The following MYOCOS variants were observed in gnomAD, a reference collection of about 807,000 sequenced individuals.
MYOCOS encodes the protein myocilin opposite strand protein.
At chr1:171,624,236 A>G (rs1652643422) in intron 2 of MYOCOS, among the ~76,000 whole-genome samples, 1 of 151,812 alleles carries the variant, frequency 6.6e-6, no homozygotes, top group African/African-American at 2.4e-5. Flanking sequence ...CTTGATAGAG[A>G]GTGGGGAGTG....
chr1:171,615,983 C>T (rs1332569948), intron 2 of MYOCOS, among the ~76,000 whole-genome samples: 10 of 152,048 alleles, frequency 6.6e-5, no homozygotes, highest in Admixed American at 2.6e-4. Flanking sequence ...TTTGGGAGGC[C>T]GAGGCAGGTG....
upstream of MYOCOS, among the ~76,000 whole-genome samples, chr1:171,620,430 G>A (rs1052379993): frequency 6.6e-6 from 1 of 151,830 alleles, no homozygotes; most frequent in Non-Finnish European, 1.5e-5. Context: ...TTCTTTTTGG[G>A]GGCAAATTTG....
upstream of MYOCOS, among the ~76,000 whole-genome samples, chr1:171,619,789 C>T (rs1054205304): frequency 3.3e-5 from 5 of 150,406 alleles, no homozygotes; most frequent in Admixed American, 6.6e-5. Flanking sequence ...TGAGCCGACA[C>T]CGCTGCATTC....
chr1:171,614,605 A>G (rs1652415773), intron 1 of MYOCOS, among the ~76,000 whole-genome samples: 1 of 152,178 alleles, frequency 6.6e-6, no homozygotes, highest in South Asian at 2.1e-4. Flanking sequence ...AGCTGAGAGC[A>G]ATGCCTGGAG....
chr1:171,601,168 A>G (rs1407498004), intron 1 of MYOCOS: 1 of 152,320 alleles, frequency 6.6e-6, no homozygotes, highest in Non-Finnish European at 1.5e-5. Context: ...AACACCAGGA[A>G]GGAACTGGCA....
chr1:171,621,374 G>GTTTTTTT (rs397974158), upstream of MYOCOS, among the ~76,000 whole-genome samples: 1 of 115,150 alleles, frequency 8.7e-6, no homozygotes, highest in Non-Finnish European at 1.7e-5. Flanking sequence ...TCTATGGTGG[G>GTTTTTTT]TTTTTTTTTT....
intron 1 of MYOCOS, among the ~76,000 whole-genome samples, chr1:171,601,804 C>T (rs551588111): frequency 9.9e-5 from 15 of 152,070 alleles, no homozygotes; most frequent in African/African-American, 2.4e-4. Flanking sequence ...GCAGCATAAG[C>T]GGCTGGCAGA....
chr1:171,603,632 A>G (rs1430794619), intron 1 of MYOCOS, among the ~76,000 whole-genome samples: 1 of 152,272 alleles, frequency 6.6e-6, no homozygotes, highest in Non-Finnish European at 1.5e-5. Flanking sequence ...TGAGTTAAAA[A>G]GAAAAACTCA....
chr1:171,611,998 G>C (rs185576547), intron 1 of MYOCOS, among the ~76,000 whole-genome samples: 1 of 152,154 alleles, frequency 6.6e-6, no homozygotes, highest in African/African-American at 2.4e-5. Flanking sequence ...ACTGGTTTTT[G>C]TAGGGGCCAG....
intron 1 of MYOCOS, among the ~76,000 whole-genome samples, chr1:171,610,062 A>T (rs1024346400): frequency 1.3e-5 from 2 of 152,254 alleles, no homozygotes; most frequent in African/African-American, 4.8e-5. Context: ...CAAGCAAGCA[A>T]GCCAAAAGAC....
rs1458047141 is a variant in MYOCOS, at chr1:171,606,335, G to A, written c.-252+5255G>A. ...GAACTCCCACTAATAAAAAGTAAGA[G>A]TCTCAAAAGGAGGAAATGAGGGAAG... is the stretch of plus-strand genomic sequence containing the variant. On this transcript the variant is annotated intron_variant, in intron 1 of 3. Transcript: ENST00000636697. 2.6e-5 allele frequency among the ~76,000 whole-genome samples: 4 copies of A among 152,128 alleles called. No individual in the cohort carries two copies. The East Asian group carries it at 7.7e-4, about 29-fold the overall frequency.
rs191407042 is a variant in MYOCOS, at chr1:171,602,379, G to T, written c.-252+1299G>T. Reference sequence around the variant, plus strand: ...CCTTTAGTAAAAAGATTATAAAGGGGCATAAAAACGTGGATTTTTACCTAC... The same window carrying T: ...CCTTTAGTAAAAAGATTATAAAGGGTCATAAAAACGTGGATTTTTACCTAC... On this transcript the variant is annotated intron_variant, in intron 1 of 3. Coordinates refer to the MYOCOS transcript ENST00000636697. Among the ~76,000 whole-genome samples, 83 of 152,160 alleles carry T rather than the reference G, an allele frequency of 5.5e-4. 1 individual carries two copies. The East Asian group carries it at 0.015, about 28-fold the overall frequency.
intron 1 of MYOCOS, among the ~76,000 whole-genome samples, chr1:171,602,808 TG>T (rs1652168746): frequency 6.6e-6 from 1 of 152,176 alleles, no homozygotes. Flanking sequence ...AAAAAATAGA[TG>T]CTAAAAGAAA....
At chr1:171,617,440 C>T (rs888890705), upstream of MYOCOS, among the ~76,000 whole-genome samples, 1 of 152,080 alleles carries the variant, frequency 6.6e-6, no homozygotes, top group African/African-American at 2.4e-5. Flanking sequence ...AGGAAACAAG[C>T]AGAGGGGTCT....
At chr1:171,610,699 C>T (rs531178822) in intron 1 of MYOCOS, among the ~76,000 whole-genome samples, 1 of 152,346 alleles carries the variant, frequency 6.6e-6, no homozygotes, top group South Asian at 2.1e-4. Flanking sequence ...CCTCTCAACA[C>T]TGTTGCATTA....
At chr1:171,604,447 A>G (rs953642798) in intron 1 of MYOCOS, 6 of 152,184 alleles carry the variant, frequency 3.9e-5, no homozygotes, top group African/African-American at 1.4e-4. Context: ...TCCAAAGGAA[A>G]CCTGTTTGTA....
At chr1:171,606,125 T>C (rs1652238771) in intron 1 of MYOCOS, among the ~76,000 whole-genome samples, 1 of 152,236 alleles carries the variant, frequency 6.6e-6, no homozygotes, top group South Asian at 2.1e-4. Flanking sequence ...AAAACTCTTA[T>C]AATAGGAGTT....
chr1:171,625,845 C>T (rs183120634), intron 2 of MYOCOS, among the ~76,000 whole-genome samples: 1 of 152,262 alleles, frequency 6.6e-6, no homozygotes, highest in East Asian at 1.9e-4. Context: ...AGAACTACTG[C>T]TCTAATCCTA....
At chr1:171,608,647 T>C (rs1652299243) in intron 1 of MYOCOS, among the ~76,000 whole-genome samples, 2 of 152,010 alleles carry the variant, frequency 1.3e-5, no homozygotes, top group Non-Finnish European at 2.9e-5. Flanking sequence ...GGTCTCGATC[T>C]CCTGACCTCA....
Sources: gnomAD v4.1 joint callset for allele counts (sites outside exome capture counted in the v4.1 genomes callset) on GRCh38, gnomAD v4.1.1 for gene constraint, MANE v1.5 for transcripts, NCBI Gene and HGNC (gene_info 2026-07-23, HGNC 2026-07-21) for gene names.